The following SFMBT2 variants were observed in gnomAD, a reference collection of about 807,000 sequenced individuals.
The protein encoded by SFMBT2 is scm-like with four MBT domains protein 2.
Under a neutral mutation model 110.1 loss-of-function variants are expected in SFMBT2, and 38 were observed. That is an observed-to-expected ratio of 0.35 (90% CI 0.27 to 0.45). The LOEUF (loss-of-function observed/expected upper bound fraction) is 0.45, where lower values mean the gene tolerates loss of function less well. Ranked by LOEUF, SFMBT2 falls within the 20% of genes least tolerant of loss-of-function variation. The pLI is 1.00. For missense variants in SFMBT2, 1,011 were observed against 1,094.9 expected (o/e 0.92, Z 1.08); for synonymous variants, 425 against 425.4 (o/e 1.00, Z 0.01).
intron 11 of SFMBT2, chr10:7,214,845 T>C: frequency 1.3e-6 from 1 of 783,166 alleles, no homozygotes; most frequent in Non-Finnish European, 1.5e-6. Flanking sequence ...CCTGTTTTAA[T>C]TTATAACAGG....
intron 11 of SFMBT2, chr10:7,206,591 T>G (rs1215764564): frequency 1.0e-6 from 1 of 984,996 alleles, no homozygotes; most frequent in Non-Finnish European, 1.2e-6. Flanking sequence ...TATGTAGCAA[T>G]GTCTAAAAGA....
intron 4 of SFMBT2, among the ~76,000 whole-genome samples, chr10:7,328,725 A>G (rs975050672): frequency 6.6e-6 from 1 of 152,264 alleles, no homozygotes; most frequent in African/African-American, 2.4e-5. Flanking sequence ...AAATAATAAT[A>G]GTCCCAGATG....
Position 7,367,719 on chromosome 10 carries a change from G to A in SFMBT2, c.366C>T (p.Asp122=), listed in dbSNP as rs554112272. The A allele has an allele frequency of 2.8e-5, 45 of 1,614,038 alleles. No individual in the cohort carries two copies. The South Asian group carries it at 2.9e-4, about 10-fold the overall frequency. The change falls in exon 4 of 21, where the codon GAC becomes GAT. Residue 122 remains aspartate, a synonymous_variant. Coordinates refer to ENST00000397167, the MANE Select transcript of SFMBT2 (RefSeq NM_001387889.1). The surrounding 1 kb of genome is among the most constrained non-coding windows in gnomAD (Gnocchi z 6.2). The stretch of plus-strand genomic sequence containing the variant: ...CGGGGTGCAAATCCGCGATGACTAC[G>A]TCACACCAGAAGTCGGCCCTGCGGT... ...GEDRRADFWC[D]VVIADLHPVG...
intron 9 of SFMBT2, among the ~76,000 whole-genome samples, chr10:7,234,168 A>G (rs1284041898): frequency 2.6e-5 from 4 of 152,220 alleles, no homozygotes; most frequent in African/African-American, 7.2e-5. Context: ...TTCATTCCCA[A>G]TTGAATTACT....
chr10:7,268,118 G>A (rs1160604418), intron 7 of SFMBT2, among the ~76,000 whole-genome samples: 3 of 152,124 alleles, frequency 2.0e-5, no homozygotes, highest in Admixed American at 1.3e-4. Flanking sequence ...TAATATGGAG[G>A]CTCGTAAATG....
chr10:7,275,958 C>T (rs1049202395), intron 7 of SFMBT2, among the ~76,000 whole-genome samples: 2 of 152,220 alleles, frequency 1.3e-5, no homozygotes, highest in East Asian at 1.9e-4. Context: ...GATGTCTGCC[C>T]GTCACAACCA....
At chr10:7,312,720 G>T (rs574521794) in intron 4 of SFMBT2, among the ~76,000 whole-genome samples, 30 of 152,310 alleles carry the variant, frequency 2.0e-4, no homozygotes, top group African/African-American at 7.0e-4. Flanking sequence ...TTCCTAAGGG[G>T]CGTTAGCGAA....
rs1845041684 is a variant in SFMBT2 at position 7,370,793 on chromosome 10, C to T, written c.101-418G>A. On this transcript the variant is annotated intron_variant, in intron 2 of 20. Transcript: ENST00000397167. The stretch of plus-strand genomic sequence containing the variant: ...TGTAGGCTGTGATGTATACAGAGAA[C>T]AGCACTAATTGTTATAAAGATAAAG... The T allele has an allele frequency of 3.1e-6, 3 of 975,690 alleles. No individual in the cohort carries two copies. In the South Asian group the frequency reaches 1.4e-4, roughly 46 times the overall value. The allele number at this position is 975,690 out of a possible 1,614,324, so 60.4% of individuals were successfully genotyped here.
chr10:7,265,007 CA>C (rs1841334007), intron 7 of SFMBT2, among the ~76,000 whole-genome samples: 1 of 149,102 alleles, frequency 6.7e-6, no homozygotes, highest in Admixed American at 6.7e-5. Context: ...TCACTTTCAA[CA>C]AGCAGCAAAC....
chr10:7,381,920 T>C lies in SFMBT2; in HGVS notation c.-22A>G. ...CCATGCCTGATGAGCAAGTGTCTCT[T>C]CTCTTAATTCATCCTGCAGAAAAAA... On this transcript the variant is annotated 5_prime_UTR_variant, in exon 2 of 21. Transcript: ENST00000397167. 1.3e-6 allele frequency: 2 copies of C among 1,548,568 alleles called. No homozygotes were observed. Among genetic ancestry groups the C allele is most frequent in the South Asian group, 2.5e-5 (2 of 80,036 alleles).
intron 4 of SFMBT2, among the ~76,000 whole-genome samples, chr10:7,297,237 C>T (rs1273941211): frequency 1.3e-5 from 2 of 152,222 alleles, no homozygotes; most frequent in Non-Finnish European, 2.9e-5. Context: ...GAAGACTGAG[C>T]TGGCCTTGCA....
chr10:7,284,377 C>T lies in SFMBT2; in HGVS notation c.526-227G>A, dbSNP rs1306690994. ...TCCGTATCCAACAACAAAAAAATCA[C>T]AAGTCAATAGAAAATAACAGTTTGT... is the stretch of plus-strand genomic sequence containing the variant. On this transcript the variant is annotated intron_variant, in intron 5 of 20. Coordinates refer to ENST00000397167, the MANE Select transcript of SFMBT2 (RefSeq NM_001387889.1). 3 of 1,287,968 alleles carry T rather than the reference C, an allele frequency of 2.3e-6. No homozygotes were observed. In the African/African-American group the frequency reaches 4.6e-5, roughly 20 times the overall value. 79.8% of individuals were successfully genotyped at this position (1,287,968 alleles called of 1,614,324 possible). A position where few individuals can be genotyped will look rare whatever the true frequency, so the allele number is the denominator to read the frequency against.
At chr10:7,289,942 A>G (rs1455628130) in intron 4 of SFMBT2, among the ~76,000 whole-genome samples, 1 of 152,238 alleles carries the variant, frequency 6.6e-6, no homozygotes, top group Non-Finnish European at 1.5e-5. Flanking sequence ...TAGAAATTTT[A>G]AAACTATAAA....
intron 3 of SFMBT2, among the ~76,000 whole-genome samples, chr10:7,369,890 C>T (rs1845015559): frequency 6.6e-6 from 1 of 152,128 alleles, no homozygotes. Flanking sequence ...GACAGGGTTT[C>T]ACTCTATCAC....
intron 4 of SFMBT2, among the ~76,000 whole-genome samples, chr10:7,297,799 G>A (rs931738405): frequency 6.6e-5 from 10 of 152,144 alleles, no homozygotes; most frequent in Admixed American, 2.0e-4. Context: ...ACTTCACGAC[G>A]ACACACACAT....
intron 4 of SFMBT2, among the ~76,000 whole-genome samples, chr10:7,294,525 C>T (rs2131865998): frequency 6.6e-6 from 1 of 152,270 alleles, no homozygotes; most frequent in Middle Eastern, 3.4e-3. Context: ...TCAAATGCTG[C>T]TGATAGGACA....
intron 1 of SFMBT2, among the ~76,000 whole-genome samples, 158 bp from the exon 2 acceptor site, chr10:7,382,107 A>G (rs193254777): frequency 6.6e-6 from 1 of 152,336 alleles, no homozygotes; most frequent in African/African-American, 2.4e-5. Context: ...AATACCAGGA[A>G]TAAGTATTCT....
rs112006018 is a variant in SFMBT2, at chr10:7,202,584, A to T, written c.1445-62T>A. On this transcript the variant is annotated intron_variant, in intron 12 of 20. Coordinates refer to ENST00000397167, the MANE Select transcript of SFMBT2 (RefSeq NM_001387889.1). ...TTGTTAGTGGGGCAAGTCCATTTTTAAAAATAGGTTATAAAGCAAAGAGGT... is the reference window on the plus strand; with the variant it reads ...TTGTTAGTGGGGCAAGTCCATTTTTTAAAATAGGTTATAAAGCAAAGAGGT... 22 of 1,613,238 alleles carry T rather than the reference A, an allele frequency of 1.4e-5. No homozygotes were observed. The Admixed American group carries it at 3.7e-4, about 27-fold the overall frequency.
At chr10:7,309,257 G>A (rs113780827) in intron 4 of SFMBT2, among the ~76,000 whole-genome samples, 6 of 152,270 alleles carry the variant, frequency 3.9e-5, no homozygotes, top group South Asian at 2.1e-4. Flanking sequence ...GCAAGACGTC[G>A]GTCTTTGTCA....
Sources: gnomAD v4.1 joint callset for allele counts (sites outside exome capture counted in the v4.1 genomes callset) on GRCh38, gnomAD v4.1.1 for gene constraint, Gnocchi (gnomAD v3.1) non-coding constraint, MANE v1.5 for transcripts, NCBI Gene and HGNC (gene_info 2026-07-23, HGNC 2026-07-21) for gene names.